ALG5: variants seen among roughly 807,000 people sequenced by gnomAD.
ALG5 encodes the protein dolichyl-phosphate beta-glucosyltransferase.
ALG5 carries 26 observed loss-of-function variants against 51.8 expected under a neutral mutation model. That is an observed-to-expected ratio of 0.50 (90% CI 0.37 to 0.70). The LOEUF (loss-of-function observed/expected upper bound fraction) is 0.70. Among genes scored for constraint, ALG5 ranks in the 30% least tolerant of loss-of-function variants. The pLI, the probability that ALG5 is intolerant of heterozygous loss-of-function variation, is 0.00. For missense variants in ALG5, 311 were observed against 399.3 expected (o/e 0.78, Z 1.88); for synonymous variants, 141 against 136.1 (o/e 1.04, Z -0.25).
intron 6 of ALG5, among the ~76,000 whole-genome samples, chr13:36,978,996 T>C (rs181152049): frequency 1.7e-4 from 26 of 151,976 alleles, no homozygotes; most frequent in African/African-American, 5.6e-4. Context: ...GCTGAACACA[T>C]GCTAAACACC....
chr13:36,997,549 T>A (rs1384095465), intron 1 of ALG5, among the ~76,000 whole-genome samples: 1 of 148,884 alleles, frequency 6.7e-6, no homozygotes, highest in Non-Finnish European at 1.5e-5. Context: ...ACTCAAGACA[T>A]CAACAGAGTA....
In ALG5 at chr13:36,999,241, G is replaced by C. The variant is rs1304068182; in HGVS notation, c.60C>G (p.Leu20=). 9 of 1,578,492 alleles carry C rather than the reference G, an allele frequency of 5.7e-6. No individual in the cohort carries two copies. The highest frequency in any genetic ancestry group is 2.3e-5 in the South Asian group (2 of 87,434). ...TTCCCATCCCTGTTCTCACCAGTAC[G>C]AGGGCTGCGGCCGCCAGCGCCGCGC... is the stretch of plus-strand genomic sequence containing the variant. The part of the protein sequence containing the change: ...VLGAALAAAA[L]VLISIVAFTT... Residue 20 remains leucine, a synonymous_variant, in exon 1 of 10, where the codon CTC becomes CTG. Transcript: ENST00000239891.
At chr13:36,967,975 C>T (rs1030212763) in intron 7 of ALG5, 1 of 322,078 alleles carries the variant, frequency 3.1e-6, no homozygotes, top group Non-Finnish European at 5.6e-6. Context: ...ATGTTAATAA[C>T]AGGATTTTTG....
chr13:36,966,257 C>A (rs1023518804), intron 7 of ALG5, among the ~76,000 whole-genome samples: 7 of 152,014 alleles, frequency 4.6e-5, no homozygotes, highest in African/African-American at 1.4e-4. Context: ...TCTAAGCATG[C>A]CAGAGATCTA....
chr13:36,977,815 C>CAAAAAAAAAA (rs1196106688), intron 6 of ALG5, among the ~76,000 whole-genome samples: 4 of 96,732 alleles, frequency 4.1e-5, no homozygotes, highest in African/African-American at 1.7e-4. Flanking sequence ...AAAAAAAAAA[C>CAAAAAAAAAA]AAAAACGGTG....
chr13:36,980,754 C>G (rs2138813307), intron 6 of ALG5, among the ~76,000 whole-genome samples: 1 of 151,356 alleles, frequency 6.6e-6, no homozygotes, highest in South Asian at 2.1e-4. Context: ...AGGCAGATCA[C>G]TTGAGGCCAG....
At chr13:36,996,201 T>C (rs1192389657) in intron 1 of ALG5, among the ~76,000 whole-genome samples, 2 of 152,236 alleles carry the variant, frequency 1.3e-5, no homozygotes, top group Admixed American at 1.3e-4. Context: ...CTGAAGTATC[T>C]AACTTACAGG....
At chr13:36,957,951 G>A (rs2058848086) in intron 8 of ALG5, among the ~76,000 whole-genome samples, 1 of 152,030 alleles carries the variant, frequency 6.6e-6, no homozygotes. Flanking sequence ...CCCCAACCGC[G>A]TTTAAAGTGG....
chr13:36,993,456 ATC>A, intron 4 of ALG5, 146 bp downstream of exon 4: 1 of 652,312 alleles, frequency 1.5e-6, no homozygotes, highest in Non-Finnish European at 2.6e-6. Context: ...CATAAATGAA[ATC>A]TGTTTTTTCT....
intron 6 of ALG5, among the ~76,000 whole-genome samples, chr13:36,975,619 C>T (rs1465586276): frequency 6.6e-6 from 1 of 152,182 alleles, no homozygotes; most frequent in Admixed American, 6.5e-5. Context: ...AGAAAGGCAA[C>T]TGAAAGAACA....
chr13:36,998,265 T>C (rs1272710466), intron 1 of ALG5, among the ~76,000 whole-genome samples: 1 of 152,134 alleles, frequency 6.6e-6, no homozygotes, highest in Non-Finnish European at 1.5e-5. Flanking sequence ...AAAAAAGCCC[T>C]AAACCCTGAA....
In ALG5 at chr13:36,972,186, T is replaced by G. The variant is rs1395391601; in HGVS notation, c.562-150A>C. ...AAGGTTTATTGAAAAGTTCAGAATA[T>G]GTACAACTTTGAGAAGCCTAATCAT... On this transcript the variant is annotated intron_variant, in intron 6 of 9. Transcript: ENST00000239891. 4 of 697,466 alleles carry G rather than the reference T, an allele frequency of 5.7e-6. No homozygotes were observed. In the African/African-American group the frequency reaches 7.2e-5, roughly 13 times the overall value. The allele number at this position is 697,466 out of a possible 1,614,324, so 43.2% of individuals were successfully genotyped here.
At chr13:36,965,846 A>G (rs2058890728) in intron 7 of ALG5, 120 bp from the exon 8 acceptor site, 3 of 804,176 alleles carry the variant, frequency 3.7e-6, no homozygotes, top group African/African-American at 1.7e-5. Flanking sequence ...CTTACATAAG[A>G]ACACCACTGT....
At position 36,988,717 on chromosome 13, in the gene ALG5, T is replaced by C. The variant is rs186403278; in HGVS notation, c.447+767A>G. ...TGATTTGTATCCTGACCATTTCCCT[T>C]CTCCTTCCTGTTGAATGTGGACGTG... On this transcript the variant is annotated intron_variant, in intron 5 of 9. Transcript: ENST00000239891. 3.7e-3 allele frequency among the ~76,000 whole-genome samples: 545 copies of C among 145,728 alleles called. 4 individuals are homozygous for C. The highest frequency in any genetic ancestry group is 0.014 in the African/African-American group (511 of 35,258).
intron 6 of ALG5, 77 bp from the exon 7 acceptor site, chr13:36,972,113 TCA>T: frequency 8.6e-7 from 1 of 1,159,998 alleles, no homozygotes; most frequent in Non-Finnish European, 1.2e-6. Context: ...TGAGAATATC[TCA>T]TTTTTAGAAA....
chr13:36,974,422 C>T (rs1456250273), intron 6 of ALG5, among the ~76,000 whole-genome samples: 1 of 151,934 alleles, frequency 6.6e-6, no homozygotes, highest in African/African-American at 2.4e-5. Context: ...AAAGAGAAAA[C>T]TCATGAATTA....
chr13:36,995,156 T>C, intron 2 of ALG5, 121 bp from the exon 3 acceptor site: 1 of 874,042 alleles, frequency 1.1e-6, no homozygotes, highest in South Asian at 1.6e-5. Flanking sequence ...ACTTTCCCAA[T>C]GGTCATTCCC....
intron 6 of ALG5, among the ~76,000 whole-genome samples, chr13:36,980,235 A>T (rs1195763084): frequency 6.6e-6 from 1 of 151,908 alleles, no homozygotes; most frequent in Non-Finnish European, 1.5e-5. Flanking sequence ...TTTTTGAAAA[A>T]ATTTTTTATT....
At chr13:36,958,753 C>G (rs1320762416) in intron 8 of ALG5, among the ~76,000 whole-genome samples, 1 of 152,128 alleles carries the variant, frequency 6.6e-6, no homozygotes, top group Non-Finnish European at 1.5e-5. Context: ...GCTTGTAACT[C>G]AGCTCACACC....
Sources: gnomAD v4.1 joint callset for allele counts (sites outside exome capture counted in the v4.1 genomes callset) on GRCh38, gnomAD v4.1.1 for gene constraint, MANE v1.5 for transcripts, NCBI Gene and HGNC (gene_info 2026-07-23, HGNC 2026-07-21) for gene names.